MPRIP: variants seen among roughly 807,000 people sequenced by gnomAD.
MPRIP encodes myosin phosphatase Rho interacting protein.
In MPRIP, 59 loss-of-function variants were observed where a neutral mutation model predicts 234.9. The ratio of observed to expected loss-of-function variants is 0.25; its 90% CI spans 0.20 to 0.31. The LOEUF (loss-of-function observed/expected upper bound fraction) is 0.31. Among genes scored for constraint, MPRIP ranks in the 10% least tolerant of loss-of-function variants. The pLI is 1.00. For synonymous variants in MPRIP, 1,144 were observed against 1,263.9 expected (o/e 0.91, Z 2.01); for missense variants, 2,436 against 3,071.0 (o/e 0.79, Z 4.89).
chr17:17,105,387 C>A (rs2090043154), intron 3 of MPRIP, among the ~76,000 whole-genome samples: 1 of 152,172 alleles, frequency 6.6e-6, no homozygotes, highest in South Asian at 2.1e-4. Flanking sequence ...CTTTCTACAT[C>A]CATACTCCTA....
In MPRIP at chr17:17,190,175, C is replaced by T. The variant is rs1023073294; in HGVS notation, c.*5281C>T. On this transcript the variant is annotated 3_prime_UTR_variant, in exon 24 of 24. Transcript: ENST00000651222. ...CTTCCTTCCCCTGGCTTCTCCATGC[C>T]ACCACCCACTTTAAAGATGTAAACT... 6.6e-6 allele frequency: 1 copy of T among 152,192 alleles called. No individual in the cohort carries two copies. Among genetic ancestry groups the T allele is most frequent in the African/African-American group, 2.4e-5 (1 of 41,430 alleles). 9.4% of individuals were successfully genotyped at this position (152,192 alleles called of 1,614,324 possible).
intron 4 of MPRIP, among the ~76,000 whole-genome samples, chr17:17,129,048 T>C (rs373774515): frequency 6.6e-4 from 101 of 152,272 alleles, no homozygotes; most frequent in African/African-American, 2.3e-3. Context: ...CACCCAGTCT[T>C]CTTCCCAGGT....
intron 1 of MPRIP, among the ~76,000 whole-genome samples, chr17:17,054,194 TGAGTGATGACAGTCATGGTG>T (rs1438297885): frequency 6.6e-6 from 1 of 152,154 alleles, no homozygotes; most frequent in Non-Finnish European, 1.5e-5. Flanking sequence ...GTGATGACAG[TGAGTGATGACAGTCATGGTG>T]GTAGGTTAAA....
intron 3 of MPRIP, chr17:17,096,898 TGTCTTCTA>T: frequency 2.3e-6 from 1 of 439,854 alleles, no homozygotes; most frequent in East Asian, 7.2e-5. Context: ...AAAGCATCCT[TGTCTTCTA>T]GAATCTCGTC....
At chr17:17,118,312 G>A (rs2090324352) in intron 3 of MPRIP, among the ~76,000 whole-genome samples, 1 of 152,210 alleles carries the variant, frequency 6.6e-6, no homozygotes, top group Admixed American at 6.5e-5. Context: ...GTGTAGAATG[G>A]GCATCCAACT....
intron 3 of MPRIP, among the ~76,000 whole-genome samples, chr17:17,111,164 AAAAAG>A (rs1249545585): frequency 1.4e-5 from 2 of 144,694 alleles, no homozygotes; most frequent in African/African-American, 5.4e-5. Flanking sequence ...AAACCAAAAA[AAAAAG>A]AAAAAACCTC....
chr17:17,053,332 T>C (rs1363396691), intron 1 of MPRIP, among the ~76,000 whole-genome samples: 2 of 152,170 alleles, frequency 1.3e-5, no homozygotes, highest in African/African-American at 2.4e-5. Flanking sequence ...TGGGGGGTTA[T>C]AATAATAGTA....
chr17:17,081,040 G>A (rs1291167269), intron 3 of MPRIP, among the ~76,000 whole-genome samples: 1 of 152,182 alleles, frequency 6.6e-6, no homozygotes, highest in Non-Finnish European at 1.5e-5. Context: ...CCCTACCTGG[G>A]CATTTGTCTC....
At chr17:17,050,314 C>CA (rs66950979) in intron 1 of MPRIP, among the ~76,000 whole-genome samples, 7,898 of 91,904 alleles carry the variant, frequency 0.086, 558 homozygotes, top group East Asian at 0.17. Context: ...GACTCCGTCT[C>CA]AAAAAAAAAA....
In MPRIP at chr17:17,064,654, C is replaced by T. The variant is rs1373403854; in HGVS notation, c.124-11056C>T. Among the ~76,000 whole-genome samples the T allele has an allele frequency of 2.8e-4, 43 of 152,266 alleles. No individual in the cohort carries two copies. The South Asian group carries it at 8.7e-3, about 31-fold the overall frequency. ...TGAAGAAAATCATACAACCTGGAAC[C>T]TTTGAGATTGGCTTTTTTCACCTAG... On this transcript the variant is annotated intron_variant, in intron 1 of 23. Coordinates refer to ENST00000651222, the MANE Select transcript of MPRIP (RefSeq NM_001364716.4).
chr17:17,134,993 G>C (rs2090666607), intron 5 of MPRIP, among the ~76,000 whole-genome samples: 1 of 152,262 alleles, frequency 6.6e-6, no homozygotes, highest in African/African-American at 2.4e-5. Flanking sequence ...CTAAAAATGA[G>C]GCTTGGCCAT....
intron 3 of MPRIP, among the ~76,000 whole-genome samples, chr17:17,080,400 C>G (rs2089435399): frequency 1.3e-5 from 2 of 152,252 alleles, no homozygotes; most frequent in Admixed American, 1.3e-4. Flanking sequence ...AGTCCCACCC[C>G]AAACAGGCTG....
rs775261808 is a variant in MPRIP at position 17,180,042 on chromosome 17, AAGAC to A, written c.7164_7167del (p.Arg2389ProfsTer15). 2.5e-6 allele frequency: 4 copies of A among 1,595,336 alleles called. No individual in the cohort carries two copies. The highest frequency in any genetic ancestry group is 3.4e-6 in the Non-Finnish European group (4 of 1,174,844). ...AAAAGCAACCCTGACTTCTTGAAGA[AAGAC>A]AGATCCTGTGTCACCCGGCAACTCA... On this transcript the variant is annotated frameshift_variant, in exon 23 of 24. Transcript: ENST00000651222. LOFTEE classifies it high-confidence loss of function.
chr17:17,142,561 G>T (rs2045350682), intron 7 of MPRIP, 66 bp from the exon 8 acceptor site: 2 of 1,575,660 alleles, frequency 1.3e-6, no homozygotes, highest in East Asian at 4.5e-5. Flanking sequence ...CATGGGAGGA[G>T]TCGGCTCACT....
Position 17,172,733 on chromosome 17 carries a change from A to G in MPRIP, c.6508A>G (p.Met2170Val). The G allele has an allele frequency of 6.2e-7, 1 of 1,611,906 alleles. No homozygotes were observed. Among genetic ancestry groups the G allele is most frequent in the Non-Finnish European group, 8.5e-7 (1 of 1,179,988 alleles). Residue 2170 changes from methionine to valine, a missense_variant, in exon 18 of 24, where the codon ATG becomes GTG. By Grantham distance (21) the Met-to-Val change is conservative. This residue lies in a region of MPRIP where 1,998 missense variants were observed against 2,520.3 expected (regional missense o/e 0.79). Coordinates refer to ENST00000651222, the MANE Select transcript of MPRIP (RefSeq NM_001364716.4). ...CATGAAGAACGCCCACCGGGAGGAA[A>G]TGGAGCGGGAGCTGGAGAAGAGCCA... ...EAMKNAHREEMERELEKSQRS... is the reference protein window; with the variant it reads ...EAMKNAHREEVERELEKSQRS...
rs1194934925 is a variant in MPRIP at position 17,185,159 on chromosome 17, G to T, written c.*265G>T. 1.6e-5 allele frequency: 6 copies of T among 366,292 alleles called. No individual in the cohort carries two copies. Among genetic ancestry groups the T allele is most frequent in the Non-Finnish European group, 2.6e-5 (5 of 188,968 alleles). 22.7% of individuals were successfully genotyped at this position (366,292 alleles called of 1,614,324 possible). ...AGCAGTGGGGGCTGGGAGGGCATCT[G>T]TGTTAGTCCTTTCCTGGCTGTGACC... is the stretch of plus-strand genomic sequence containing the variant. On this transcript the variant is annotated 3_prime_UTR_variant, in exon 24 of 24. Transcript: ENST00000651222.
chr17:17,065,691 A>G (rs529337574), intron 1 of MPRIP, among the ~76,000 whole-genome samples: 1 of 152,080 alleles, frequency 6.6e-6, no homozygotes, highest in Non-Finnish European at 1.5e-5. Flanking sequence ...AATCTTGTCC[A>G]TATCTATAAA....
At chr17:17,102,924 G>A (rs73277640) in intron 3 of MPRIP, among the ~76,000 whole-genome samples, 2,684 of 152,338 alleles carry the variant, frequency 0.018, 94 homozygotes, top group African/African-American at 0.061. Context: ...GTGGACCTCT[G>A]TTTGTCCCGT....
intron 1 of MPRIP, among the ~76,000 whole-genome samples, chr17:17,068,766 T>G (rs2089119778): frequency 6.6e-6 from 1 of 152,166 alleles, no homozygotes; most frequent in South Asian, 2.1e-4. Context: ...CCTGACCTTG[T>G]GATCTGCTTG....
Sources: gnomAD v4.1 joint callset for allele counts (sites outside exome capture counted in the v4.1 genomes callset) on GRCh38, gnomAD v4.1.1 for gene constraint, gnomAD v4.1.1 regional missense constraint, MANE v1.5 for transcripts, NCBI Gene and HGNC (gene_info 2026-07-23, HGNC 2026-07-21) for gene names.